The following PLXNA2 variants were observed in gnomAD, a reference collection of about 807,000 sequenced individuals.
PLXNA2 encodes plexin-A2.
Under a neutral mutation model 193.5 loss-of-function variants are expected in PLXNA2, and 91 were observed. The ratio of observed to expected loss-of-function variants is 0.47; its 90% CI spans 0.40 to 0.56. The LOEUF (loss-of-function observed/expected upper bound fraction) is 0.56, where lower values mean the gene tolerates loss of function less well. PLXNA2 is among the 20% of genes least tolerant of loss of function. The pLI, the probability that PLXNA2 is intolerant of heterozygous loss-of-function variation, is 0.00. For missense variants in PLXNA2, 1,995 were observed against 2,503.2 expected, an observed-to-expected ratio of 0.80 and a Z score of 4.33; for synonymous variants, 997 against 1,027.3, an observed-to-expected ratio of 0.97 and a Z score of 0.56.
chr1:208,043,280 A>C, intron 20 of PLXNA2, 77 bp from the exon 21 acceptor site: 3 of 1,467,724 alleles, frequency 2.0e-6, no homozygotes, highest in Non-Finnish European at 2.8e-6. Flanking sequence ...AGAAGTTTGC[A>C]AAGGACGAGG....
chr1:208,043,161 T>C lies in PLXNA2; in HGVS notation c.3917A>G (p.Asp1306Gly). The C allele has an allele frequency of 1.2e-6, 2 of 1,614,118 alleles. No individual in the cohort carries two copies. The highest frequency in any genetic ancestry group is 2.2e-5 in the South Asian group (2 of 91,078). Residue 1306 changes from aspartate (D) to glycine (G), a missense_variant, in exon 21 of 32, where the codon GAC becomes GGC. Physicochemically the swap from Asp to Gly is moderately conservative, Grantham distance 94. Transcript: ENST00000367033. ...GTAAGGGATTCCTGAGCGGTCCAGGTCACTGGTCAACTCATTGATATCCGT... is the reference window on the plus strand; with the variant it reads ...GTAAGGGATTCCTGAGCGGTCCAGGCCACTGGTCAACTCATTGATATCCGT... ...LQTDINELTS[D>G]LDRSGIPYLD...
chr1:208,084,269 C>T, intron 10 of PLXNA2, 111 bp downstream of exon 10: 2 of 1,153,622 alleles, frequency 1.7e-6, no homozygotes, highest in Non-Finnish European at 2.5e-6. Flanking sequence ...GATGTGGGCT[C>T]AGCCTGTGAA....
At chr1:208,148,003 C>G (rs911632573) in intron 3 of PLXNA2, among the ~76,000 whole-genome samples, 1 of 152,144 alleles carries the variant, frequency 6.6e-6, no homozygotes, top group Non-Finnish European at 1.5e-5. Flanking sequence ...AGAGATTTAG[C>G]GTCCAGTCCT....
chr1:208,184,181 T>A (rs1669929262), intron 3 of PLXNA2, among the ~76,000 whole-genome samples: 1 of 152,130 alleles, frequency 6.6e-6, no homozygotes, highest in African/African-American at 2.4e-5. Flanking sequence ...GAGGGCTAAC[T>A]GGCCCAGAGG....
In PLXNA2 at chr1:208,033,403, G is replaced by C; in HGVS notation, c.4971C>G (p.Asn1657Lys). ...SGVKVWHLVKNHDHGDQKEGD... is the reference protein window; with the variant it reads ...SGVKVWHLVKKHDHGDQKEGD... ...CCTCCTTCTGGTCACCGTGGTCATG[G>C]TTCTTCACCAGATGCCACACCTTGA... The change falls in exon 28 of 32, where the codon AAC becomes AAG. Residue 1657 changes from asparagine (N) to lysine (K), a missense_variant. Coordinates refer to ENST00000367033, the MANE Select transcript of PLXNA2 (RefSeq NM_025179.4). 6.2e-7 allele frequency: 1 copy of C among 1,614,168 alleles called. No individual in the cohort carries two copies. Among genetic ancestry groups the C allele is most frequent in the South Asian group, 1.1e-5 (1 of 91,066 alleles).
At chr1:208,145,530 G>A (rs1221942571) in intron 3 of PLXNA2, among the ~76,000 whole-genome samples, 1 of 152,204 alleles carries the variant, frequency 6.6e-6, no homozygotes, top group Non-Finnish European at 1.5e-5. Context: ...CCAGAGCCTG[G>A]GCACTTGCGT....
intron 13 of PLXNA2, among the ~76,000 whole-genome samples, chr1:208,056,750 A>G (rs1665444286): frequency 6.6e-6 from 1 of 152,232 alleles, no homozygotes; most frequent in Non-Finnish European, 1.5e-5. Flanking sequence ...GGGAGAAATC[A>G]GAGCTGGCCA....
intron 2 of PLXNA2, 117 bp from the exon 3 acceptor site, chr1:208,210,579 G>C (rs964021355): frequency 7.6e-6 from 6 of 785,208 alleles, no homozygotes; most frequent in Non-Finnish European, 1.2e-5. Flanking sequence ...AGGCAGACAT[G>C]GGAGTTCAGG....
At chr1:208,096,374 G>T (rs534814524) in intron 7 of PLXNA2, among the ~76,000 whole-genome samples, 1 of 152,186 alleles carries the variant, frequency 6.6e-6, no homozygotes, top group African/African-American at 2.4e-5. Context: ...GGAGCCCCTT[G>T]CCTTTGTCAG....
intron 3 of PLXNA2, among the ~76,000 whole-genome samples, chr1:208,167,883 C>T (rs1026142163): frequency 6.6e-6 from 1 of 152,204 alleles, no homozygotes; most frequent in Admixed American, 6.5e-5. Flanking sequence ...GCTGACCCCC[C>T]ATTTGCCACT....
At chr1:208,155,154 C>T (rs926619140) in intron 3 of PLXNA2, among the ~76,000 whole-genome samples, 8 of 152,116 alleles carry the variant, frequency 5.3e-5, no homozygotes, top group African/African-American at 1.7e-4. Flanking sequence ...GCATAGTGGC[C>T]GTTCCAGCCT....
intron 14 of PLXNA2, among the ~76,000 whole-genome samples, chr1:208,053,672 T>C (rs536565716): frequency 5.9e-5 from 9 of 152,316 alleles, no homozygotes; most frequent in African/African-American, 2.2e-4. Context: ...GATGTAGCAA[T>C]GTAGGTGTCA....
At chr1:208,066,773 G>A (rs1178375290) in intron 12 of PLXNA2, among the ~76,000 whole-genome samples, 3 of 152,158 alleles carry the variant, frequency 2.0e-5, no homozygotes, top group African/African-American at 7.2e-5. Context: ...TATTGCCCCT[G>A]AAGACCTCAC....
chr1:208,156,959 C>T (rs941065447), intron 3 of PLXNA2, among the ~76,000 whole-genome samples: 2 of 152,214 alleles, frequency 1.3e-5, no homozygotes, highest in Non-Finnish European at 2.9e-5. Context: ...ACATCGAATG[C>T]TGCTTGTTGC....
chr1:208,114,386 T>C lies in PLXNA2; in HGVS notation c.1507-11139A>G, dbSNP rs568179748. On this transcript the variant is annotated intron_variant, in intron 4 of 31. Transcript: ENST00000367033. Reference sequence around the variant, plus strand: ...AGGAGGACAGTGTCATCAAATGGTATGACACAGAATCAGATTTGGCAAAGC... The same window carrying C: ...AGGAGGACAGTGTCATCAAATGGTACGACACAGAATCAGATTTGGCAAAGC... 1.4e-3 allele frequency among the ~76,000 whole-genome samples: 217 copies of C among 152,334 alleles called. 2 individuals are homozygous for C. Among genetic ancestry groups the C allele is most frequent in the African/African-American group, 4.9e-3 (204 of 41,572 alleles).
chr1:208,147,658 C>T (rs1668640296), intron 3 of PLXNA2, among the ~76,000 whole-genome samples: 1 of 152,178 alleles, frequency 6.6e-6, no homozygotes, highest in Admixed American at 6.5e-5. Flanking sequence ...CTCAGAGGCA[C>T]AGGAGAGTTA....
Position 208,051,322 on chromosome 1 carries a change from T to G in PLXNA2, c.3095A>C (p.Asn1032Thr). 1.2e-6 allele frequency: 2 copies of G among 1,613,740 alleles called. No homozygotes were observed. Among genetic ancestry groups the G allele is most frequent in the Non-Finnish European group, 1.7e-6 (2 of 1,179,912 alleles). The change falls in exon 16 of 32, where the codon AAC becomes ACC. Residue 1032 changes from asparagine (N) to threonine (T), a missense_variant. By Grantham distance (65) the Asn-to-Thr change is moderately conservative (BLOSUM62 0). This residue lies in a region of PLXNA2 where 1,291 missense variants were observed against 1,673.6 expected (regional missense o/e 0.77). Transcript: ENST00000367033. Reference sequence around the variant, plus strand: ...GTCATCTATGTACTCAAACTGCAGGTTGCTATCCACATGGGCTCGGTCGAC... The same window carrying G: ...GTCATCTATGTACTCAAACTGCAGGGTGCTATCCACATGGGCTCGGTCGAC... Reference protein sequence around the residue: ...VSVDRAHVDSNLQFEYIDDPR... With the variant: ...VSVDRAHVDSTLQFEYIDDPR...
intron 1 of PLXNA2, among the ~76,000 whole-genome samples, chr1:208,226,857 C>T (rs1671527450): frequency 6.6e-6 from 1 of 152,214 alleles, no homozygotes; most frequent in Non-Finnish European, 1.5e-5. Flanking sequence ...AGGAAGGAGC[C>T]CTGCTTTGCC....
intron 4 of PLXNA2, among the ~76,000 whole-genome samples, chr1:208,127,680 A>G (rs530845081): frequency 6.6e-6 from 1 of 152,324 alleles, no homozygotes; most frequent in Admixed American, 6.5e-5. Context: ...AGGGAAAAGG[A>G]TGAAAACAAC....
Sources: allele counts gnomAD v4.1 joint callset (sites outside exome capture counted in the v4.1 genomes callset), GRCh38; gene constraint gnomAD v4.1.1; regional missense constraint gnomAD v4.1.1; transcripts MANE v1.5; gene names NCBI Gene and HGNC (gene_info 2026-07-23, HGNC 2026-07-21).